The following CTNNA3 variants were observed in gnomAD, a reference collection of about 807,000 sequenced individuals.
CTNNA3 encodes the protein catenin alpha-3.
A neutral mutation model predicts 95.7 loss-of-function variants in CTNNA3; 76 were observed. That is an observed-to-expected ratio of 0.79 (90% CI 0.66 to 0.96). CTNNA3 has a LOEUF of 0.96. Ranked by LOEUF, CTNNA3 falls within the 40% of genes least tolerant of loss-of-function variation. CTNNA3 has a pLI of 0.00. For missense variants in CTNNA3, 1,191 were observed against 1,089.8 expected (o/e 1.09, Z -1.31); for synonymous variants, 431 against 374.4 (o/e 1.15, Z -1.74).
At chr10:67,181,155 CT>C (rs1203434123) in intron 6 of CTNNA3, among the ~76,000 whole-genome samples, 3 of 152,090 alleles carry the variant, frequency 2.0e-5, no homozygotes, top group Non-Finnish European at 2.9e-5. Flanking sequence ...AAATCATAAA[CT>C]TTAGTTAACT....
intron 13 of CTNNA3, among the ~76,000 whole-genome samples, chr10:66,254,086 A>G (rs2090664424): frequency 6.6e-6 from 1 of 152,174 alleles, no homozygotes; most frequent in Non-Finnish European, 1.5e-5. Flanking sequence ...AGGAAAGCCT[A>G]TTCCCTGAGA....
intron 5 of CTNNA3, among the ~76,000 whole-genome samples, chr10:67,267,600 T>TAAGAC (rs1402987113): frequency 6.6e-6 from 1 of 152,132 alleles, no homozygotes; most frequent in Non-Finnish European, 1.5e-5. Flanking sequence ...TCTTCTGACC[T>TAAGAC]CGTGATCCAC....
intron 4 of CTNNA3, among the ~76,000 whole-genome samples, chr10:67,531,636 C>A (rs1386470567): frequency 6.6e-6 from 1 of 152,124 alleles, no homozygotes; most frequent in African/African-American, 2.4e-5. Context: ...AGATGTTGAA[C>A]TGTGGACTTT....
At chr10:66,653,471 A>G (rs1209756187) in intron 9 of CTNNA3, among the ~76,000 whole-genome samples, 1 of 152,128 alleles carries the variant, frequency 6.6e-6, no homozygotes. Context: ...ACACAAGTAG[A>G]GTTATCCCAT....
At chr10:67,734,263 A>T (rs550787372) in intron 1 of CTNNA3, among the ~76,000 whole-genome samples, 1 of 152,284 alleles carries the variant, frequency 6.6e-6, no homozygotes, top group South Asian at 2.1e-4. Flanking sequence ...AAAGCTCCTG[A>T]CTGTGGTCAG....
intron 7 of CTNNA3, among the ~76,000 whole-genome samples, chr10:66,828,961 C>A (rs1842613332): frequency 6.6e-6 from 1 of 152,204 alleles, no homozygotes; most frequent in Non-Finnish European, 1.5e-5. Flanking sequence ...GCATGTAATG[C>A]AATACACACA....
At chr10:66,783,056 C>A (rs1840603497) in intron 7 of CTNNA3, among the ~76,000 whole-genome samples, 1 of 152,058 alleles carries the variant, frequency 6.6e-6, no homozygotes, top group African/African-American at 2.4e-5. Flanking sequence ...CAGTGTGTGG[C>A]ATTAGAGTTC....
chr10:67,040,154 T>C (rs558749825), intron 7 of CTNNA3, among the ~76,000 whole-genome samples: 6 of 152,260 alleles, frequency 3.9e-5, no homozygotes, highest in South Asian at 4.1e-4. Flanking sequence ...AAAATGTGCA[T>C]GTTAAGTGAA....
At chr10:66,674,527 C>T (rs997232180) in intron 9 of CTNNA3, among the ~76,000 whole-genome samples, 1 of 151,730 alleles carries the variant, frequency 6.6e-6, no homozygotes, top group African/African-American at 2.4e-5. Context: ...TAATATTACC[C>T]TATTGCTCCT....
At chr10:66,624,055 C>A (rs1452605311) in intron 9 of CTNNA3, among the ~76,000 whole-genome samples, 6 of 152,186 alleles carry the variant, frequency 3.9e-5, no homozygotes, top group African/African-American at 7.2e-5. Flanking sequence ...CATTTGATAT[C>A]CTTTGTGTAT....
intron 1 of CTNNA3, among the ~76,000 whole-genome samples, chr10:67,658,624 C>CA: frequency 6.6e-6 from 1 of 152,114 alleles, no homozygotes. Flanking sequence ...AAAAAACAAA[C>CA]AAACACATTC....
chr10:67,138,328 T>A (rs1315536741), intron 7 of CTNNA3, among the ~76,000 whole-genome samples: 1 of 152,170 alleles, frequency 6.6e-6, no homozygotes, highest in Non-Finnish European at 1.5e-5. Flanking sequence ...ATATCAGAAA[T>A]AAACTTTCCC....
intron 1 of CTNNA3, among the ~76,000 whole-genome samples, chr10:67,761,601 G>A (rs764423865): frequency 4.6e-5 from 7 of 152,102 alleles, no homozygotes; most frequent in Non-Finnish European, 7.4e-5. Context: ...AACACGAGCC[G>A]GGCGCGGTGG....
chr10:65,956,288 T>C (rs1326714281), intron 17 of CTNNA3, among the ~76,000 whole-genome samples: 4 of 152,220 alleles, frequency 2.6e-5, no homozygotes, highest in Non-Finnish European at 2.9e-5. Flanking sequence ...TTTTCTTCTT[T>C]ATTAGTCTTT....
At chr10:66,656,484 A>G (rs990064470) in intron 9 of CTNNA3, among the ~76,000 whole-genome samples, 8 of 152,080 alleles carry the variant, frequency 5.3e-5, no homozygotes, top group Non-Finnish European at 1.0e-4. Flanking sequence ...GTGACCAAGG[A>G]GTTTGAGCCC....
chr10:66,859,966 T>C (rs1277008672), intron 7 of CTNNA3, among the ~76,000 whole-genome samples: 2 of 118,234 alleles, frequency 1.7e-5, no homozygotes, highest in South Asian at 2.9e-4. Flanking sequence ...AACTGAACAA[T>C]GAGAACACAT....
Position 67,005,687 on chromosome 10 carries a change from T to TTTTTTTTTTTTTTTTTG in CTNNA3, c.1047+174613_1047+174629dup, listed in dbSNP as rs1851937239. Among the ~76,000 whole-genome samples, 3 of 102,258 alleles carry TTTTTTTTTTTTTTTTTG rather than the reference T, an allele frequency of 2.9e-5. 1 individual carries two copies. The highest frequency in any genetic ancestry group is 9.3e-5 in the African/African-American group (3 of 32,366). The allele number at this position is 102,258 out of a possible 152,430, so 67.1% of individuals were successfully genotyped here. On this transcript the variant is annotated intron_variant, in intron 7 of 17. Coordinates refer to ENST00000433211, the MANE Select transcript of CTNNA3 (RefSeq NM_013266.4). Reference sequence around the variant, plus strand: ...TTTTGTTTATTTTACTCCATCTTTTTTTTTTTTTTTTTTTTTGAGACGGAG... The same window carrying TTTTTTTTTTTTTTTTTG: ...TTTTGTTTATTTTACTCCATCTTTTTTTTTTTTTTTTTTTTTGTTTTTTTTTTTTTTTTGAGACGGAG...
chr10:66,085,834 A>T, intron 14 of CTNNA3, among the ~76,000 whole-genome samples: 1 of 121,550 alleles, frequency 8.2e-6, no homozygotes, highest in East Asian at 2.5e-4. Flanking sequence ...CAATGGAAGT[A>T]ATTCAATCCC....
At chr10:66,609,451 T>C (rs1280714094) in intron 10 of CTNNA3, among the ~76,000 whole-genome samples, 1 of 150,272 alleles carries the variant, frequency 6.7e-6, no homozygotes, top group Non-Finnish European at 1.5e-5. Context: ...GCAAGGTACA[T>C]GAACACTTTT....
Sources: gnomAD v4.1 joint callset for allele counts (sites outside exome capture counted in the v4.1 genomes callset) on GRCh38, gnomAD v4.1.1 for gene constraint, MANE v1.5 for transcripts, NCBI Gene and HGNC (gene_info 2026-07-23, HGNC 2026-07-21) for gene names.